PDE1B: variants seen among roughly 807,000 people sequenced by gnomAD.
PDE1B encodes dual specificity calcium/calmodulin-dependent 3',5'-cyclic nucleotide phosphodiesterase 1B.
PDE1B carries 13 observed loss-of-function variants against 66.7 expected under a neutral mutation model. That is an observed-to-expected ratio of 0.19 (90% CI 0.13 to 0.31). PDE1B has a LOEUF of 0.31. Ranked by LOEUF, PDE1B falls within the 10% of genes least tolerant of loss-of-function variation. The pLI, the probability that PDE1B is intolerant of heterozygous loss-of-function variation, is 1.00. For synonymous variants in PDE1B, 230 were observed against 253.9 expected, an observed-to-expected ratio of 0.91 and a Z score of 0.90; for missense variants, 485 against 682.3, an observed-to-expected ratio of 0.71 and a Z score of 3.22.
In PDE1B at chr12:54,579,182, G is replaced by A; in HGVS notation, c.*1340G>A. 1.2e-5 allele frequency: 11 copies of A among 916,492 alleles called. No individual in the cohort carries two copies. The highest frequency in any genetic ancestry group is 1.4e-5 in the Non-Finnish European group (11 of 767,482). 56.8% of individuals were successfully genotyped at this position (916,492 alleles called of 1,614,324 possible). On this transcript the variant is annotated 3_prime_UTR_variant, in exon 16 of 16. Transcript: ENST00000243052. Reference sequence around the variant, plus strand: ...GCAGAGACGCATGTGACTCACCCCTGCCCTTGGTTTCCCAGACCCCTGCTA... The same window carrying A: ...GCAGAGACGCATGTGACTCACCCCTACCCTTGGTTTCCCAGACCCCTGCTA...
At position 54,573,870 on chromosome 12, in the gene PDE1B, A is replaced by AGAGAGAGAGAGAGAGAGTGT. The variant is rs774810310; in HGVS notation, c.1064+162_1064+163insAGAGAGAGAGAGAGAGTGTG. On this transcript the variant is annotated intron_variant, in intron 10 of 15. Coordinates refer to ENST00000243052, the MANE Select transcript of PDE1B (RefSeq NM_000924.4). This position sits in a 1 kb window ranked among gnomAD's most constrained non-coding sequence, Gnocchi z 5.2. Reference sequence around the variant, plus strand: ...GCATCTCTATGTGAGAGAGAGAGAGAGTGTGTGTGTGTGTGTGTGTGTGTG... The same window carrying AGAGAGAGAGAGAGAGAGTGT: ...GCATCTCTATGTGAGAGAGAGAGAGAGAGAGAGAGAGAGAGAGTGTGTGTGTGTGTGTGTGTGTGTGTGTG... The AGAGAGAGAGAGAGAGAGTGT allele has an allele frequency of 7.1e-6, 3 of 423,696 alleles. No homozygotes were observed. Among genetic ancestry groups the AGAGAGAGAGAGAGAGAGTGT allele is most frequent in the African/African-American group, 7.0e-5 (3 of 43,152 alleles). 26.2% of individuals were successfully genotyped at this position (423,696 alleles called of 1,614,324 possible). A position where few individuals can be genotyped will look rare whatever the true frequency, so the allele number is the denominator to read the frequency against.
At chr12:54,570,972 A>T (rs1339372540) in intron 6 of PDE1B, 1 of 152,464 alleles carries the variant, frequency 6.6e-6, no homozygotes, top group Admixed American at 6.5e-5. Context: ...AAAAAACAAA[A>T]CACTTTCACA....
Position 54,569,393 on chromosome 12 carries a change from C to T in PDE1B, c.410+27C>T, listed in dbSNP as rs754421614. ...TGAGGCTCGCCCACACTCAGCCTCC[C>T]TCTGCCTTTAGCTGTGCCCCTCTTT... On this transcript the variant is annotated intron_variant, in intron 4 of 15. Transcript: ENST00000243052. This position sits in a 1 kb window ranked among gnomAD's most constrained non-coding sequence, Gnocchi z 4.4. The T allele has an allele frequency of 3.1e-6, 5 of 1,592,804 alleles. No homozygotes were observed. The highest frequency in any genetic ancestry group is 4.3e-6 in the Non-Finnish European group (5 of 1,166,960).
At chr12:54,564,644 C>A (rs887816125) in intron 2 of PDE1B, among the ~76,000 whole-genome samples, 13 of 148,876 alleles carry the variant, frequency 8.7e-5, no homozygotes, top group Admixed American at 4.0e-4. Flanking sequence ...AACAAACAAA[C>A]AAAAAAAAAC....
At chr12:54,552,652 T>C (rs545036066) in intron 2 of PDE1B, among the ~76,000 whole-genome samples, 1 of 152,220 alleles carries the variant, frequency 6.6e-6, no homozygotes, top group Non-Finnish European at 1.5e-5. Flanking sequence ...CAAAAATAAA[T>C]TCAGAATCTA....
chr12:54,556,918 T>C (rs187143321), intron 2 of PDE1B, among the ~76,000 whole-genome samples: 88 of 152,222 alleles, frequency 5.8e-4, no homozygotes, highest in African/African-American at 2.1e-3. Flanking sequence ...AGGGAGAGGC[T>C]GAGTGATTCT....
chr12:54,563,971 C>T (rs1028924092), intron 2 of PDE1B, among the ~76,000 whole-genome samples: 5 of 152,072 alleles, frequency 3.3e-5, no homozygotes, highest in African/African-American at 1.2e-4. Context: ...ATGATCATGC[C>T]ACTTCTAGAT....
intron 2 of PDE1B, among the ~76,000 whole-genome samples, chr12:54,551,090 A>G (rs1203149324): frequency 6.6e-6 from 1 of 152,200 alleles, no homozygotes; most frequent in Non-Finnish European, 1.5e-5. Flanking sequence ...CCCTGAACCC[A>G]GTTCCTCCTC....
intron 2 of PDE1B, among the ~76,000 whole-genome samples, chr12:54,564,714 G>A (rs1029397193): frequency 4.6e-5 from 7 of 152,046 alleles, no homozygotes; most frequent in Non-Finnish European, 7.4e-5. Flanking sequence ...AGCAGCTGTG[G>A]AATGAGACCT....
At chr12:54,563,116 T>C (rs950420976) in intron 2 of PDE1B, among the ~76,000 whole-genome samples, 3 of 152,238 alleles carry the variant, frequency 2.0e-5, no homozygotes, top group African/African-American at 7.2e-5. Flanking sequence ...GAACTTTTAC[T>C]GAGCATGTTC....
chr12:54,566,506 G>A (rs751182784), intron 2 of PDE1B, among the ~76,000 whole-genome samples: 1 of 152,196 alleles, frequency 6.6e-6, no homozygotes, highest in Non-Finnish European at 1.5e-5. Flanking sequence ...ATGACCAAGA[G>A]ACAATGAAAT....
At position 54,574,108 on chromosome 12, in the gene PDE1B, C is replaced by T. The variant is rs560743890; in HGVS notation, c.1064+399C>T. On this transcript the variant is annotated intron_variant, in intron 10 of 15. Transcript: ENST00000243052. ...TACGCCTCCCCCCACAACAGCTTGC[C>T]CCTAGTTCCTAGTCTCATAGGGCTA... The T allele has an allele frequency of 7.6e-4, 168 of 221,540 alleles. 1 individual carries two copies. In the South Asian group the frequency reaches 0.012, roughly 16 times the overall value. 13.7% of individuals were successfully genotyped at this position (221,540 alleles called of 1,614,324 possible). A position where few individuals can be genotyped will look rare whatever the true frequency, so the allele number is the denominator to read the frequency against.
chr12:54,558,811 G>A (rs1017034478), intron 2 of PDE1B, among the ~76,000 whole-genome samples: 51 of 152,170 alleles, frequency 3.4e-4, no homozygotes, highest in African/African-American at 1.2e-3. Context: ...CTTTGTTTAT[G>A]AATGACTCAA....
intron 14 of PDE1B, chr12:54,576,912 G>A (rs899958244): frequency 6.5e-6 from 4 of 618,344 alleles, no homozygotes; most frequent in Admixed American, 2.9e-5. Context: ...GATAGAGACA[G>A]TCAGATATTC....
In PDE1B at chr12:54,569,300, G is replaced by A. The variant is rs1394380162; in HGVS notation, c.344G>A (p.Arg115Gln). The A allele has an allele frequency of 5.0e-6, 8 of 1,613,996 alleles. No homozygotes were observed. Among genetic ancestry groups the A allele is most frequent in the South Asian group, 3.3e-5 (3 of 91,036 alleles). ...FTQQARAKGR[R>Q]AEEKPKFRSI... Reference sequence around the variant, plus strand: ...CAGCAGGCCCGGGCCAAAGGCCGCCGAGCAGAGGAGAAGCCCAAGTTCCGA... The same window carrying A: ...CAGCAGGCCCGGGCCAAAGGCCGCCAAGCAGAGGAGAAGCCCAAGTTCCGA... Residue 115 changes from arginine to glutamine, a missense_variant, in exon 4 of 16, where the codon CGA becomes CAA. By Grantham distance (43) the Arg-to-Gln change is conservative (BLOSUM62 1). Around this residue, in one of 4 missense-constraint regions of PDE1B, gnomAD observed 282 missense variants for 453.4 expected, o/e 0.62. Transcript: ENST00000243052. This position sits in a 1 kb window ranked among gnomAD's most constrained non-coding sequence, Gnocchi z 4.4.
intron 2 of PDE1B, chr12:54,561,618 C>T (rs1452863087): frequency 2.6e-6 from 4 of 1,532,730 alleles, no homozygotes; most frequent in African/African-American, 2.7e-5. Flanking sequence ...GAGGAGCCAC[C>T]TCCAGGGCCC....
In PDE1B at chr12:54,573,477, TTG is replaced by T; in HGVS notation, c.962+2_962+3del. 1 of 1,614,048 alleles carries T rather than the reference TTG, an allele frequency of 6.2e-7. No individual in the cohort carries two copies. Among genetic ancestry groups the T allele is most frequent in the Non-Finnish European group, 8.5e-7 (1 of 1,179,998 alleles). ...TTCATCAACCTCACCAAGGATGAGT[TTG>T]TGTGAGCAGAAGCCAGTACTTGGCA... On this transcript the variant is annotated frameshift_variant and splice_region_variant, in exon 9 of 16. Coordinates refer to ENST00000243052, the MANE Select transcript of PDE1B (RefSeq NM_000924.4). LOFTEE classifies it high-confidence loss of function. This position sits in a 1 kb window ranked among gnomAD's most constrained non-coding sequence, Gnocchi z 5.2.
intron 10 of PDE1B, chr12:54,574,562 G>T (rs1435782817): frequency 6.6e-6 from 1 of 152,492 alleles, no homozygotes; most frequent in Non-Finnish European, 1.5e-5. Context: ...GTGAACCCAG[G>T]CCCTTTGATT....
Position 54,568,262 on chromosome 12 carries a change from G to A in PDE1B, c.228-922G>A, listed in dbSNP as rs1440779866. On this transcript the variant is annotated intron_variant, in intron 3 of 15. Transcript: ENST00000243052. The stretch of plus-strand genomic sequence containing the variant: ...CCTGATTGCTTGAGCCCAGGAATTC[G>A]AGACCAGCCTGGGCAACATGATGAA... 5.3e-5 allele frequency among the ~76,000 whole-genome samples: 8 copies of A among 151,712 alleles called. No homozygotes were observed. In the South Asian group the frequency reaches 1.3e-3, roughly 24 times the overall value.
Sources: allele counts gnomAD v4.1 joint callset (sites outside exome capture counted in the v4.1 genomes callset), GRCh38; gene constraint gnomAD v4.1.1; regional missense constraint gnomAD v4.1.1; non-coding constraint Gnocchi (gnomAD v3.1); transcripts MANE v1.5; gene names NCBI Gene and HGNC (gene_info 2026-07-23, HGNC 2026-07-21).